Variants in NTN4 observed in about 807,000 individuals in gnomAD.
NTN4 encodes the protein netrin 4.
A neutral mutation model predicts 73.6 loss-of-function variants in NTN4; 32 were observed. The observed-to-expected ratio is 0.44, with a 90% CI of 0.33 to 0.58. NTN4 has a LOEUF of 0.58. NTN4 is among the 20% of genes least tolerant of loss of function. The pLI is 0.04. For synonymous variants in NTN4, 258 were observed against 287.5 expected, an observed-to-expected ratio of 0.90 and a Z score of 1.04; for missense variants, 654 against 798.3, an observed-to-expected ratio of 0.82 and a Z score of 2.18.
chr12:95,673,123 C>T (rs1565879348), intron 7 of NTN4: 2 of 932,344 alleles, frequency 2.1e-6, no homozygotes, highest in Non-Finnish European at 3.3e-6. Flanking sequence ...TGGTGTGTCC[C>T]TCTGCTCATC....
At chr12:95,743,978 T>A (rs1394960063) in intron 2 of NTN4, among the ~76,000 whole-genome samples, 1 of 152,188 alleles carries the variant, frequency 6.6e-6, no homozygotes, top group African/African-American at 2.4e-5. Context: ...CTTGGCTCAC[T>A]GCAACCTCCA....
Position 95,787,349 on chromosome 12 carries a change from C to T in NTN4, c.175G>A (p.Glu59Lys), listed in dbSNP as rs762617558. ...TTCTCACTGTAGAAGCAGTACAGTT[C>T]GGTAGCATTCTGACCGCAGGTGGTG... is the stretch of plus-strand genomic sequence containing the variant. Reference protein sequence around the residue: ...ADTTCGQNATELYCFYSENTD... With the variant: ...ADTTCGQNATKLYCFYSENTD... Residue 59 changes from glutamate to lysine, a missense_variant, in exon 2 of 10, where the codon GAA becomes AAA. Transcript: ENST00000343702. 5.6e-6 allele frequency: 9 copies of T among 1,614,068 alleles called. No individual in the cohort carries two copies. The highest frequency in any genetic ancestry group is 2.2e-5 in the South Asian group (2 of 91,076).
rs1307428423 is a variant in NTN4 at position 95,658,256 on chromosome 12, CA to C, written c.*829del. 1.4e-4 allele frequency: 22 copies of C among 152,194 alleles called. No individual in the cohort carries two copies. Among genetic ancestry groups the C allele is most frequent in the Non-Finnish European group, 2.2e-4 (15 of 68,030 alleles). The allele number at this position is 152,194 out of a possible 1,614,324, so 9.4% of individuals were successfully genotyped here. On this transcript the variant is annotated 3_prime_UTR_variant, in exon 10 of 10. Transcript: ENST00000343702. Reference sequence around the variant, plus strand: ...TCCCCTTTAGCCAAGCATATGTCTACATTTATGATTTCTTTCTCTTATTTTA... The same window carrying C: ...TCCCCTTTAGCCAAGCATATGTCTACTTTATGATTTCTTTCTCTTATTTTA...
At chr12:95,670,599 A>C (rs1467187641) in intron 7 of NTN4, 1 of 152,708 alleles carries the variant, frequency 6.5e-6, no homozygotes, top group African/African-American at 2.4e-5. Flanking sequence ...GTATTTATTG[A>C]GCACTTTTGG....
rs987802142 is a variant in NTN4, at chr12:95,789,499, G to A, written c.55+756C>T. Among the ~76,000 whole-genome samples, 1 of 152,156 alleles carries A rather than the reference G, an allele frequency of 6.6e-6. No homozygotes were observed. The highest frequency in any genetic ancestry group is 6.5e-5 in the Admixed American group (1 of 15,272). On this transcript the variant is annotated intron_variant, in intron 1 of 9. Transcript: ENST00000343702. The surrounding 1 kb of genome is among the most constrained non-coding windows in gnomAD (Gnocchi z 4.0). ...AGGGGCTCCCGAATACAGAAACCACGAGCCAGGAGCCGGTGGCCTAGGGCA... is the reference window on the plus strand; with the variant it reads ...AGGGGCTCCCGAATACAGAAACCACAAGCCAGGAGCCGGTGGCCTAGGGCA...
At chr12:95,684,406 C>T (rs1258763876) in intron 5 of NTN4, among the ~76,000 whole-genome samples, 11 of 152,016 alleles carry the variant, frequency 7.2e-5, no homozygotes, top group Admixed American at 7.2e-4. Flanking sequence ...TCAAGCGATC[C>T]TCCTGCCTTA....
chr12:95,709,775 C>T (rs116175530), intron 5 of NTN4, among the ~76,000 whole-genome samples: 7 of 152,234 alleles, frequency 4.6e-5, no homozygotes, highest in Non-Finnish European at 7.3e-5. Context: ...TCAAACGATC[C>T]GCCTGCCTTG....
chr12:95,667,927 A>G (rs969403354), intron 8 of NTN4, among the ~76,000 whole-genome samples: 3 of 152,278 alleles, frequency 2.0e-5, no homozygotes, highest in African/African-American at 4.8e-5. Context: ...TCAAGTTCAC[A>G]TAACTGGTTG....
intron 2 of NTN4, among the ~76,000 whole-genome samples, chr12:95,775,056 CT>C (rs988985509): frequency 6.6e-6 from 1 of 152,214 alleles, no homozygotes; most frequent in Non-Finnish European, 1.5e-5. Context: ...GAGTAATATT[CT>C]TTTCCATTAA....
intron 3 of NTN4, among the ~76,000 whole-genome samples, chr12:95,731,222 G>T (rs2078734826): frequency 2.6e-5 from 4 of 152,074 alleles, no homozygotes; most frequent in African/African-American, 4.8e-5. Context: ...TACCTTCTAG[G>T]GTTATAGTAA....
At chr12:95,741,136 T>C (rs755656743) in intron 2 of NTN4, among the ~76,000 whole-genome samples, 1 of 151,904 alleles carries the variant, frequency 6.6e-6, no homozygotes, top group Non-Finnish European at 1.5e-5. Context: ...GGAACAACCT[T>C]GTAGCTAAAA....
chr12:95,740,074 C>T (rs2078812454), intron 2 of NTN4: 1 of 152,236 alleles, frequency 6.6e-6, no homozygotes, highest in Admixed American at 6.5e-5. Context: ...ATCATGACCC[C>T]TGAGGCTGTG....
At chr12:95,749,643 G>A (rs1363624963) in intron 2 of NTN4, among the ~76,000 whole-genome samples, 1 of 152,190 alleles carries the variant, frequency 6.6e-6, no homozygotes, top group African/African-American at 2.4e-5. Flanking sequence ...AAACATTGCA[G>A]GGACGCCTCT....
At chr12:95,712,548 A>T (rs1337945031) in intron 4 of NTN4, among the ~76,000 whole-genome samples, 1 of 152,156 alleles carries the variant, frequency 6.6e-6, no homozygotes, top group Non-Finnish European at 1.5e-5. Flanking sequence ...TTTATAATTC[A>T]CCATCTCAGC....
intron 2 of NTN4, among the ~76,000 whole-genome samples, chr12:95,779,273 A>G (rs372854912): frequency 6.6e-6 from 1 of 152,068 alleles, no homozygotes; most frequent in African/African-American, 2.4e-5. Context: ...CTCTCTCACC[A>G]CTCCTATTCA....
intron 5 of NTN4, among the ~76,000 whole-genome samples, chr12:95,707,936 A>G (rs895454662): frequency 9.2e-5 from 14 of 152,090 alleles, no homozygotes; most frequent in Admixed American, 9.2e-4. Flanking sequence ...ATTTTTAGAC[A>G]TTTCTACTAG....
At position 95,787,241 on chromosome 12, in the gene NTN4, CCATGGCA is replaced by C; in HGVS notation, c.276_282del (p.Ala93GlnfsTer25). 6.2e-7 allele frequency: 1 copy of C among 1,614,204 alleles called. No individual in the cohort carries two copies. Among genetic ancestry groups the C allele is most frequent in the Non-Finnish European group, 8.5e-7 (1 of 1,180,044 alleles). On this transcript the variant is annotated frameshift_variant, in exon 2 of 10. Coordinates refer to ENST00000343702, the MANE Select transcript of NTN4 (RefSeq NM_021229.4). LOFTEE classifies it high-confidence loss of function. Reference sequence around the variant, plus strand: ...CGAGGAAACCGGAAGGATGAGTCTGCCATGGCAGATGGCAGGTGAGCCAGGTGAGGAT... The same window carrying C: ...CGAGGAAACCGGAAGGATGAGTCTGCGATGGCAGGTGAGCCAGGTGAGGAT...
At chr12:95,779,662 C>A (rs1289931229) in intron 2 of NTN4, among the ~76,000 whole-genome samples, 1 of 151,840 alleles carries the variant, frequency 6.6e-6, no homozygotes. Context: ...AAAGAGAATA[C>A]AAACAAATGG....
rs1486087118 is a variant in NTN4, at chr12:95,729,647, G to GTT, written c.864+8218_864+8219insAA. Among the ~76,000 whole-genome samples, 3 of 150,582 alleles carry GTT rather than the reference G, an allele frequency of 2.0e-5. No homozygotes were observed. In the East Asian group the frequency reaches 5.8e-4, roughly 29 times the overall value. On this transcript the variant is annotated intron_variant, in intron 3 of 9. Coordinates refer to ENST00000343702, the MANE Select transcript of NTN4 (RefSeq NM_021229.4). Reference sequence around the variant, plus strand: ...AGAGAGAGAGAGTGTGTGTGTGTGTGTGTGTGTGTGTGTGTGTGTGTGTGT... The same window carrying GTT: ...AGAGAGAGAGAGTGTGTGTGTGTGTGTTTGTGTGTGTGTGTGTGTGTGTGTGT...
Sources: gnomAD v4.1 joint callset for allele counts (sites outside exome capture counted in the v4.1 genomes callset) on GRCh38, gnomAD v4.1.1 for gene constraint, Gnocchi (gnomAD v3.1) non-coding constraint, MANE v1.5 for transcripts, NCBI Gene and HGNC (gene_info 2026-07-23, HGNC 2026-07-21) for gene names.